The following HSPA12A variants were observed in gnomAD, a reference collection of about 807,000 sequenced individuals.
HSPA12A encodes heat shock protein family A (Hsp70) member 12A.
In HSPA12A, 28 loss-of-function variants were observed where a neutral mutation model predicts 69.2. That is an observed-to-expected ratio of 0.40 (90% CI 0.30 to 0.55). The LOEUF (loss-of-function observed/expected upper bound fraction) is 0.55, where lower values mean the gene tolerates loss of function less well. HSPA12A is among the 20% of genes least tolerant of loss of function. The probability of loss-of-function intolerance (pLI) is 0.38; values close to 1 mark genes in which losing one functional copy is unlikely to be tolerated. For missense variants in HSPA12A, 686 were observed against 900.7 expected (o/e 0.76, Z 3.05); for synonymous variants, 345 against 370.5 (o/e 0.93, Z 0.79).
chr10:116,774,857 C>T (rs1178955725), intron 2 of HSPA12A, among the ~76,000 whole-genome samples: 1 of 152,204 alleles, frequency 6.6e-6, no homozygotes, highest in Non-Finnish European at 1.5e-5. Context: ...AGGCCCCAGT[C>T]CTGCCGGCTC....
At chr10:116,742,805 C>T (rs1851559893), upstream of HSPA12A, among the ~76,000 whole-genome samples, 1 of 151,926 alleles carries the variant, frequency 6.6e-6, no homozygotes, top group South Asian at 2.1e-4. Context: ...GAGCGGTCGC[C>T]CCGCAGTCGA....
chr10:116,778,667 C>G (rs1348423534), intron 2 of HSPA12A, among the ~76,000 whole-genome samples: 2 of 152,136 alleles, frequency 1.3e-5, no homozygotes, highest in African/African-American at 4.8e-5. Flanking sequence ...GTTGGGAGGC[C>G]AAGGCAGGAG....
At chr10:116,737,297 C>T (rs1332562390) in intron 1 of HSPA12A, among the ~76,000 whole-genome samples, 1 of 152,204 alleles carries the variant, frequency 6.6e-6, no homozygotes, top group East Asian at 1.9e-4. Flanking sequence ...GTACCAGGCT[C>T]ATACCTAAGC....
At chr10:116,687,892 C>A (rs557721544) in intron 6 of HSPA12A, among the ~76,000 whole-genome samples, 1 of 152,380 alleles carries the variant, frequency 6.6e-6, no homozygotes, top group South Asian at 2.1e-4. Flanking sequence ...CCAAGCTTGT[C>A]CAACCCATGG....
chr10:116,815,445 C>T (rs1052371244), intron 2 of HSPA12A, among the ~76,000 whole-genome samples: 6 of 151,928 alleles, frequency 3.9e-5, no homozygotes, highest in Admixed American at 6.6e-5. Context: ...TGTGGTGGTG[C>T]GTGCCCGTAG....
At chr10:116,838,469 C>T (rs917853229) in intron 1 of HSPA12A, among the ~76,000 whole-genome samples, 5 of 152,186 alleles carry the variant, frequency 3.3e-5, no homozygotes, top group Admixed American at 2.6e-4. Context: ...ACAAGCCAAA[C>T]ACACACATCA....
intron 8 of HSPA12A, among the ~76,000 whole-genome samples, chr10:116,681,488 T>C (rs562652758): frequency 5.9e-5 from 9 of 152,346 alleles, no homozygotes; most frequent in African/African-American, 1.9e-4. Context: ...AATCTAAGAT[T>C]CACACATTGC....
chr10:116,848,836 T>C (rs764292930), intron 1 of HSPA12A, among the ~76,000 whole-genome samples: 1 of 152,128 alleles, frequency 6.6e-6, no homozygotes, highest in South Asian at 2.1e-4. Flanking sequence ...TCCCTTAGGG[T>C]TCACCCCAGA....
intron 2 of HSPA12A, among the ~76,000 whole-genome samples, chr10:116,764,209 T>C (rs1844030404): frequency 6.6e-6 from 1 of 152,224 alleles, no homozygotes; most frequent in Non-Finnish European, 1.5e-5. Flanking sequence ...GCATGTATTA[T>C]AGATTTATAC....
intron 11 of HSPA12A, 44 bp downstream of exon 11, chr10:116,676,355 C>T (rs782106587): frequency 3.3e-6 from 5 of 1,511,520 alleles, no homozygotes; most frequent in Non-Finnish European, 4.6e-6. Flanking sequence ...CATCCCCTTT[C>T]TCAGCTCTGC....
upstream of HSPA12A, among the ~76,000 whole-genome samples, chr10:116,747,529 T>C (rs1363373385): frequency 6.6e-6 from 1 of 152,156 alleles, no homozygotes; most frequent in African/African-American, 2.4e-5. Flanking sequence ...ACTGGCATGA[T>C]CACGTGACCA....
At chr10:116,779,165 G>A (rs1020456417) in intron 2 of HSPA12A, among the ~76,000 whole-genome samples, 4 of 152,146 alleles carry the variant, frequency 2.6e-5, no homozygotes, top group Non-Finnish European at 2.9e-5. Context: ...GCTTCCCTTC[G>A]CAACATCGTG....
intron 2 of HSPA12A, among the ~76,000 whole-genome samples, chr10:116,790,163 G>A (rs1844672804): frequency 6.8e-6 from 1 of 146,644 alleles, no homozygotes; most frequent in Non-Finnish European, 1.5e-5. Flanking sequence ...CTGCAGTGGC[G>A]GGATCTCGGC....
At chr10:116,795,937 G>A (rs1844813479) in intron 2 of HSPA12A, among the ~76,000 whole-genome samples, 1 of 150,982 alleles carries the variant, frequency 6.6e-6, no homozygotes, top group African/African-American at 2.4e-5. Context: ...ACAAGGTCAG[G>A]AGATCGAGAT....
In HSPA12A at chr10:116,742,472, T is replaced by C; in HGVS notation, c.-3A>G. The C allele has an allele frequency of 7.2e-7, 1 of 1,392,202 alleles. No homozygotes were observed. Among genetic ancestry groups the C allele is most frequent in the Non-Finnish European group, 9.3e-7 (1 of 1,070,502 alleles). 86.2% of individuals were successfully genotyped at this position (1,392,202 alleles called of 1,614,324 possible). On this transcript the variant is annotated 5_prime_UTR_variant, in exon 1 of 12. Transcript: ENST00000369209. ...CCGCCGGCCTCCTTGTCCGCCATGGTCGCGCAGCCCCGGACCGCGAGGGGA... is the reference window on the plus strand; with the variant it reads ...CCGCCGGCCTCCTTGTCCGCCATGGCCGCGCAGCCCCGGACCGCGAGGGGA...
intron 2 of HSPA12A, among the ~76,000 whole-genome samples, chr10:116,765,456 G>A (rs1036558734): frequency 5.9e-5 from 9 of 151,988 alleles, no homozygotes; most frequent in Non-Finnish European, 1.3e-4. Flanking sequence ...CCAAATCCGG[G>A]ACCATAGGAG....
chr10:116,791,179 G>A (rs367767391), intron 2 of HSPA12A, among the ~76,000 whole-genome samples: 3 of 152,200 alleles, frequency 2.0e-5, no homozygotes, highest in Non-Finnish European at 4.4e-5. Flanking sequence ...AGTGTGTGCT[G>A]CTTGGATGAA....
chr10:116,725,147 G>C (rs1850912772), intron 1 of HSPA12A, among the ~76,000 whole-genome samples: 1 of 152,162 alleles, frequency 6.6e-6, no homozygotes. Context: ...ACCTGGAAGG[G>C]GGCTCTCAAA....
At chr10:116,697,765 G>A (rs113630282) in intron 5 of HSPA12A, among the ~76,000 whole-genome samples, 1 of 152,090 alleles carries the variant, frequency 6.6e-6, no homozygotes, top group Non-Finnish European at 1.5e-5. Flanking sequence ...ACAAGGTTGT[G>A]CGCCCAACCC....
Sources: gnomAD v4.1 joint callset for allele counts (sites outside exome capture counted in the v4.1 genomes callset) on GRCh38, gnomAD v4.1.1 for gene constraint, MANE v1.5 for transcripts, NCBI Gene and HGNC (gene_info 2026-07-23, HGNC 2026-07-21) for gene names.